TFAP2D: variants seen among roughly 807,000 people sequenced by gnomAD.
TFAP2D encodes the protein transcription factor AP-2 delta.
A neutral mutation model predicts 43.6 loss-of-function variants in TFAP2D; 9 were observed. That is an observed-to-expected ratio of 0.21 (90% CI 0.12 to 0.36). TFAP2D has a LOEUF of 0.36. Ranked by LOEUF, TFAP2D falls within the 10% of genes least tolerant of loss-of-function variation. The probability of loss-of-function intolerance (pLI) is 1.00; values close to 1 mark genes in which losing one functional copy is unlikely to be tolerated. For missense variants in TFAP2D, 513 were observed against 561.4 expected, an observed-to-expected ratio of 0.91 and a Z score of 0.87; for synonymous variants, 256 against 224.9, an observed-to-expected ratio of 1.14 and a Z score of -1.24.
intron 3 of TFAP2D, among the ~76,000 whole-genome samples, chr6:50,722,754 G>A (rs1316205354): frequency 6.6e-6 from 1 of 152,010 alleles, no homozygotes; most frequent in Admixed American, 6.6e-5. Context: ...TTCCTTACAT[G>A]GGTGGAAAGT....
chr6:50,764,641 T>G (rs1238747834), intron 7 of TFAP2D, among the ~76,000 whole-genome samples: 1 of 152,144 alleles, frequency 6.6e-6, no homozygotes, highest in East Asian at 1.9e-4. Flanking sequence ...CTGCAGAAAC[T>G]GGTGTCCCCA....
intron 7 of TFAP2D, among the ~76,000 whole-genome samples, chr6:50,759,719 G>A (rs912753707): frequency 3.3e-5 from 5 of 152,022 alleles, no homozygotes; most frequent in African/African-American, 1.2e-4. Flanking sequence ...TGACTTGGAT[G>A]TAATTGATTG....
intron 7 of TFAP2D, among the ~76,000 whole-genome samples, chr6:50,752,904 T>C (rs997352419): frequency 2.0e-4 from 30 of 151,990 alleles, no homozygotes; most frequent in Admixed American, 6.6e-4. Flanking sequence ...ATTCCAAACC[T>C]TTATTTCCTC....
chr6:50,745,838 C>T (rs935125619), intron 6 of TFAP2D, among the ~76,000 whole-genome samples: 1 of 151,676 alleles, frequency 6.6e-6, no homozygotes, highest in Admixed American at 6.6e-5. Flanking sequence ...TGTAAAAAGC[C>T]CAATTAAAAT....
chr6:50,764,402 G>A (rs1453985205), intron 7 of TFAP2D, among the ~76,000 whole-genome samples: 1 of 151,944 alleles, frequency 6.6e-6, no homozygotes, highest in African/African-American at 2.4e-5. Flanking sequence ...TCTCATTCTT[G>A]GAACAAAACT....
chr6:50,739,947 T>C lies in TFAP2D; in HGVS notation c.884-5160T>C, dbSNP rs114146745. Among the ~76,000 whole-genome samples the C allele has an allele frequency of 6.1e-3, 923 of 152,304 alleles. 7 individuals are homozygous for C. Among genetic ancestry groups the C allele is most frequent in the African/African-American group, 0.021 (864 of 41,572 alleles). On this transcript the variant is annotated intron_variant, in intron 5 of 7. Transcript: ENST00000008391. ...TATTATAAGGCACCTCTCCAGGCCATAGATCGTATGATGTATAGAGCTGTA... is the reference window on the plus strand; with the variant it reads ...TATTATAAGGCACCTCTCCAGGCCACAGATCGTATGATGTATAGAGCTGTA...
intron 5 of TFAP2D, among the ~76,000 whole-genome samples, chr6:50,740,077 G>A (rs979545178): frequency 1.3e-5 from 2 of 152,126 alleles, no homozygotes; most frequent in African/African-American, 4.8e-5. Flanking sequence ...GATAGTATAA[G>A]AATTTACTTA....
intron 5 of TFAP2D, among the ~76,000 whole-genome samples, chr6:50,738,353 G>T (rs1472609621): frequency 6.6e-6 from 1 of 151,842 alleles, no homozygotes; most frequent in Non-Finnish European, 1.5e-5. Flanking sequence ...TATTTGCTTT[G>T]TTTATTGAGG....
chr6:50,768,705 C>G (rs1028358820), intron 7 of TFAP2D, among the ~76,000 whole-genome samples: 1 of 152,056 alleles, frequency 6.6e-6, no homozygotes, highest in African/African-American at 2.4e-5. Context: ...GAATCTTTGC[C>G]TTACATTTAT....
intron 5 of TFAP2D, among the ~76,000 whole-genome samples, chr6:50,740,702 G>T (rs974769798): frequency 6.6e-6 from 1 of 152,172 alleles, no homozygotes; most frequent in Non-Finnish European, 1.5e-5. Context: ...CTCCCAAAGT[G>T]CTGGGATTAC....
Position 50,772,973 on chromosome 6 carries a change from C to G in TFAP2D, c.*109C>G. On this transcript the variant is annotated 3_prime_UTR_variant, in exon 8 of 8. Coordinates refer to ENST00000008391, the MANE Select transcript of TFAP2D (RefSeq NM_172238.4). ...CAGTGGACCAAATCTCTACCCTTCCCCAACCCTCCATAAAAAAACAAAAAT... is the reference window on the plus strand; with the variant it reads ...CAGTGGACCAAATCTCTACCCTTCCGCAACCCTCCATAAAAAAACAAAAAT... 1.1e-6 allele frequency: 1 copy of G among 949,534 alleles called. No individual in the cohort carries two copies. Among genetic ancestry groups the G allele is most frequent in the Non-Finnish European group, 1.5e-6 (1 of 686,102 alleles). 58.8% of individuals were successfully genotyped at this position (949,534 alleles called of 1,614,324 possible). A position where few individuals can be genotyped will look rare whatever the true frequency, so the allele number is the denominator to read the frequency against.
At chr6:50,764,106 C>T (rs2113893592) in intron 7 of TFAP2D, among the ~76,000 whole-genome samples, 1 of 152,198 alleles carries the variant, frequency 6.6e-6, no homozygotes, top group African/African-American at 2.4e-5. Context: ...ACTATTAAGG[C>T]ATGTCTCTCT....
chr6:50,741,796 G>A (rs182858171), intron 5 of TFAP2D, among the ~76,000 whole-genome samples: 16 of 151,910 alleles, frequency 1.1e-4, no homozygotes, highest in African/African-American at 3.9e-4. Context: ...AAGAACAAGG[G>A]TGTTCTACTT....
chr6:50,767,970 A>G (rs1369083734), intron 7 of TFAP2D, among the ~76,000 whole-genome samples: 3 of 152,214 alleles, frequency 2.0e-5, no homozygotes, highest in Non-Finnish European at 4.4e-5. Flanking sequence ...AGAATTTAGA[A>G]TTTAAGTAAC....
intron 5 of TFAP2D, among the ~76,000 whole-genome samples, chr6:50,737,779 A>G (rs1768984049): frequency 6.6e-6 from 1 of 152,104 alleles, no homozygotes; most frequent in Non-Finnish European, 1.5e-5. Context: ...TCACTGAATG[A>G]ATTTATTACA....
In TFAP2D at chr6:50,713,962, TA is replaced by T. The variant is rs1450478225; in HGVS notation, c.-89del. ...CCTATAGAACATTTTTTTTTTCCTTTAAAAATTGGAAAATACAAGAAGTTTG... is the reference window on the plus strand; with the variant it reads ...CCTATAGAACATTTTTTTTTTCCTTTAAAATTGGAAAATACAAGAAGTTTG... On this transcript the variant is annotated 5_prime_UTR_variant, in exon 1 of 8. Transcript: ENST00000008391. 18 of 1,574,234 alleles carry T rather than the reference TA, an allele frequency of 1.1e-5. No individual in the cohort carries two copies. The African/African-American group carries it at 1.9e-4, about 17-fold the overall frequency.
At chr6:50,761,207 C>A (rs1286740111) in intron 7 of TFAP2D, among the ~76,000 whole-genome samples, 2 of 148,290 alleles carry the variant, frequency 1.3e-5, no homozygotes, top group African/African-American at 5.0e-5. Context: ...ACCCAAACAC[C>A]ATTTCAACCT....
At chr6:50,714,368 G>A (rs953899846) in intron 1 of TFAP2D, among the ~76,000 whole-genome samples, 7 of 151,940 alleles carry the variant, frequency 4.6e-5, no homozygotes, top group African/African-American at 1.7e-4. Context: ...ATAAAAGGGG[G>A]GAGTGAAGAG....
chr6:50,757,729 CTATATATAGAATATATATAATTATTCTA>C (rs1431562604), intron 7 of TFAP2D, among the ~76,000 whole-genome samples: 14,169 of 68,302 alleles, frequency 0.21, 2,155 homozygotes, highest in East Asian at 0.29. Flanking sequence ...TATAATTATT[CTATATATAGAATATATATAATTATTCTA>C]TATATATAGA....
Sources: allele counts gnomAD v4.1 joint callset (sites outside exome capture counted in the v4.1 genomes callset), GRCh38; gene constraint gnomAD v4.1.1; transcripts MANE v1.5; gene names NCBI Gene and HGNC (gene_info 2026-07-23, HGNC 2026-07-21).